VWC2: variants seen among roughly 807,000 people sequenced by gnomAD.
VWC2 encodes the protein brorin.
In VWC2, 14 loss-of-function variants were observed where a neutral mutation model predicts 29.8. The observed-to-expected ratio is 0.47, with a 90% CI of 0.31 to 0.74. The LOEUF (loss-of-function observed/expected upper bound fraction) is 0.74. VWC2 is among the 30% of genes least tolerant of loss of function. The pLI, the probability that VWC2 is intolerant of heterozygous loss-of-function variation, is 0.05. For synonymous variants in VWC2, 213 were observed against 199.0 expected (o/e 1.07, Z -0.59); for missense variants, 457 against 459.8 (o/e 0.99, Z 0.05).
At chr7:49,886,121 C>T (rs1791894725) in intron 3 of VWC2, among the ~76,000 whole-genome samples, 1 of 152,182 alleles carries the variant, frequency 6.6e-6, no homozygotes, top group Non-Finnish European at 1.5e-5. Context: ...GTGTCTGAAG[C>T]CCCTGGGCTG....
At chr7:49,907,079 G>A (rs571304564) in intron 3 of VWC2, among the ~76,000 whole-genome samples, 39 of 152,310 alleles carry the variant, frequency 2.6e-4, no homozygotes, top group African/African-American at 9.4e-4. Flanking sequence ...GTGTATGGAT[G>A]TGGAGTGATA....
At position 49,783,815 on chromosome 7, in the gene VWC2, C is replaced by T. The variant is rs536891394; in HGVS notation, c.696+7684C>T. Among the ~76,000 whole-genome samples, 23 of 151,952 alleles carry T rather than the reference C, an allele frequency of 1.5e-4. No individual in the cohort carries two copies. In the East Asian group the frequency reaches 4.1e-3, roughly 27 times the overall value. ...CTATAATCCCGGCAGTTCGGGAGGC[C>T]GAGCTGGGAGGATCACTTGAGCCCA... On this transcript the variant is annotated intron_variant, in intron 2 of 3. Coordinates refer to ENST00000340652, the MANE Select transcript of VWC2 (RefSeq NM_198570.5).
intron 3 of VWC2, among the ~76,000 whole-genome samples, chr7:49,835,865 G>A (rs989300012): frequency 2.6e-5 from 4 of 151,974 alleles, no homozygotes; most frequent in African/African-American, 4.8e-5. Context: ...TATATTTTTC[G>A]AATTTGTTAT....
At chr7:49,893,444 G>GC (rs1792229352) in intron 3 of VWC2, among the ~76,000 whole-genome samples, 3 of 152,072 alleles carry the variant, frequency 2.0e-5, no homozygotes, top group African/African-American at 7.2e-5. Flanking sequence ...GACAAAATTT[G>GC]ATTTTTTTCG....
intron 3 of VWC2, among the ~76,000 whole-genome samples, chr7:49,862,976 C>T (rs527665525): frequency 1.5e-4 from 23 of 152,274 alleles, no homozygotes; most frequent in African/African-American, 5.1e-4. Context: ...ATGCTGGCCT[C>T]TTACAGTGAG....
At position 49,775,754 on chromosome 7, in the gene VWC2, G is replaced by A. The variant is rs895738697; in HGVS notation, c.319G>A (p.Gly107Arg). 47 of 1,512,864 alleles carry A rather than the reference G, an allele frequency of 3.1e-5. No individual in the cohort carries two copies. Among genetic ancestry groups the A allele is most frequent in the Non-Finnish European group, 4.0e-5 (45 of 1,133,484 alleles). 93.7% of individuals were successfully genotyped at this position (1,512,864 alleles called of 1,614,324 possible). A position where few individuals can be genotyped will look rare whatever the true frequency, so the allele number is the denominator to read the frequency against. The change falls in exon 2 of 4, where the codon GGG (glycine) becomes AGG (arginine). Residue 107 changes from glycine to arginine, a missense_variant. By Grantham distance (125) the Gly-to-Arg change is moderately radical. This residue lies in a region of VWC2 where 272 missense variants were observed against 202.7 expected (regional missense o/e 1.34). Coordinates refer to ENST00000340652, the MANE Select transcript of VWC2 (RefSeq NM_198570.5). ...WVSQGGGAKA[G>R]DLQVRPRGDT... ...CTCCCAGGGCGGGGGCGCCAAGGCC[G>A]GGGATCTGCAGGTCCGGCCCCGCGG...
chr7:49,883,815 A>C (rs1214900983), intron 3 of VWC2, among the ~76,000 whole-genome samples: 1 of 152,206 alleles, frequency 6.6e-6, no homozygotes, highest in Admixed American at 6.5e-5. Context: ...CAATGAACAG[A>C]GCCTAATTCA....
intron 3 of VWC2, among the ~76,000 whole-genome samples, chr7:49,858,558 G>A (rs1456161561): frequency 7.1e-6 from 1 of 140,246 alleles, no homozygotes; most frequent in Non-Finnish European, 1.5e-5. Context: ...CCTGTTGTGG[G>A]GTGGGGGAGG....
intron 2 of VWC2, among the ~76,000 whole-genome samples, chr7:49,790,721 G>T (rs1420710542): frequency 6.6e-6 from 1 of 151,822 alleles, no homozygotes; most frequent in Non-Finnish European, 1.5e-5. Flanking sequence ...GACTCAGGCT[G>T]CAGGGCCAGA....
rs1009508151 is a variant in VWC2, at chr7:49,915,626, C to T, written c.*3441C>T. ...CTTACAAAATATACACTGTTTCAAACAAGCATTGTTGGAAACTAAATCCAT... is the reference window on the plus strand; with the variant it reads ...CTTACAAAATATACACTGTTTCAAATAAGCATTGTTGGAAACTAAATCCAT... On this transcript the variant is annotated 3_prime_UTR_variant, in exon 4 of 4. Transcript: ENST00000340652. 5.9e-5 allele frequency: 9 copies of T among 152,044 alleles called. No individual in the cohort carries two copies. Among genetic ancestry groups the T allele is most frequent in the African/African-American group, 2.2e-4 (9 of 41,420 alleles). The allele number at this position is 152,044 out of a possible 1,614,324, so 9.4% of individuals were successfully genotyped here.
At chr7:49,805,652 C>T (rs1364827553) in intron 3 of VWC2, among the ~76,000 whole-genome samples, 4 of 152,152 alleles carry the variant, frequency 2.6e-5, no homozygotes, top group African/African-American at 4.8e-5. Context: ...GAATAATTTA[C>T]AGTAGTCCAA....
intron 3 of VWC2, among the ~76,000 whole-genome samples, chr7:49,865,024 T>C (rs185820296): frequency 2.6e-5 from 4 of 152,122 alleles, no homozygotes; most frequent in African/African-American, 9.6e-5. Flanking sequence ...TTTTCTGATA[T>C]CCCTCTATAT....
At chr7:49,841,104 T>C (rs553927156) in intron 3 of VWC2, among the ~76,000 whole-genome samples, 152 of 152,330 alleles carry the variant, frequency 1.0e-3, no homozygotes, top group African/African-American at 3.5e-3. Context: ...GTCTGAATTA[T>C]GAGACATAAT....
intron 3 of VWC2, among the ~76,000 whole-genome samples, chr7:49,803,551 G>A (rs1467021039): frequency 1.3e-5 from 2 of 152,210 alleles, no homozygotes; most frequent in African/African-American, 2.4e-5. Context: ...GGACACAGCC[G>A]GAGTCTACAA....
intron 3 of VWC2, among the ~76,000 whole-genome samples, chr7:49,837,576 A>C (rs1789693364): frequency 6.6e-6 from 1 of 152,196 alleles, no homozygotes; most frequent in Admixed American, 6.5e-5. Context: ...CTGATCAGTC[A>C]TGGCACTTGC....
At chr7:49,784,765 G>A (rs1011238468) in intron 2 of VWC2, among the ~76,000 whole-genome samples, 1 of 152,334 alleles carries the variant, frequency 6.6e-6, no homozygotes, top group South Asian at 2.1e-4. Context: ...TGGAATATGT[G>A]TTTTTAAATG....
chr7:49,808,108 T>TA (rs1204672799), intron 3 of VWC2, among the ~76,000 whole-genome samples: 2 of 151,682 alleles, frequency 1.3e-5, no homozygotes, highest in African/African-American at 4.8e-5. Flanking sequence ...AGAGAAAAAA[T>TA]AAAAAAATAG....
At chr7:49,788,793 AGT>A (rs911678814) in intron 2 of VWC2, among the ~76,000 whole-genome samples, 6 of 123,170 alleles carry the variant, frequency 4.9e-5, no homozygotes, top group African/African-American at 1.3e-4. Flanking sequence ...AGTGTGGGTG[AGT>A]GTGACTGTGT....
intron 2 of VWC2, among the ~76,000 whole-genome samples, chr7:49,797,985 G>A (rs1365578278): frequency 6.6e-6 from 1 of 152,228 alleles, no homozygotes; most frequent in Non-Finnish European, 1.5e-5. Context: ...TTAAACTTAG[G>A]TTGTCCCTAG....
Sources: allele counts gnomAD v4.1 joint callset (sites outside exome capture counted in the v4.1 genomes callset), GRCh38; gene constraint gnomAD v4.1.1; regional missense constraint gnomAD v4.1.1; transcripts MANE v1.5; gene names NCBI Gene and HGNC (gene_info 2026-07-23, HGNC 2026-07-21).